The following DCC variants were observed in gnomAD, a reference collection of about 807,000 sequenced individuals.
The protein encoded by DCC is DCC netrin 1 receptor.
In DCC, 58 loss-of-function variants were observed where a neutral mutation model predicts 172.5. That is an observed-to-expected ratio of 0.34 (90% CI 0.27 to 0.42). The LOEUF is 0.42. Among genes scored for constraint, DCC ranks in the 10% least tolerant of loss-of-function variants. DCC has a pLI of 1.00. For synonymous variants in DCC, 709 were observed against 644.5 expected, an observed-to-expected ratio of 1.10 and a Z score of -1.52; for missense variants, 1,740 against 1,791.0, an observed-to-expected ratio of 0.97 and a Z score of 0.51.
At chr18:53,245,584 G>A (rs912208663) in intron 12 of DCC, among the ~76,000 whole-genome samples, 12 of 152,110 alleles carry the variant, frequency 7.9e-5, no homozygotes, top group South Asian at 4.2e-4. Flanking sequence ...CAGATATGTC[G>A]GTTTACAGTT....
At chr18:53,020,065 A>G (rs558635675) in intron 5 of DCC, among the ~76,000 whole-genome samples, 10 of 152,312 alleles carry the variant, frequency 6.6e-5, no homozygotes, top group African/African-American at 2.4e-4. Context: ...TTGAAGGAGC[A>G]TGCTTAGTTT....
chr18:52,443,995 T>C (rs928661911), intron 1 of DCC, among the ~76,000 whole-genome samples: 1 of 152,166 alleles, frequency 6.6e-6, no homozygotes, highest in Non-Finnish European at 1.5e-5. Context: ...AGAATCTGGC[T>C]GCTGATTGGC....
chr18:53,299,455 A>C (rs1355933382), intron 12 of DCC, among the ~76,000 whole-genome samples: 1 of 152,042 alleles, frequency 6.6e-6, no homozygotes, highest in Non-Finnish European at 1.5e-5. Context: ...CTTGTTCTTG[A>C]TATTTCCTGT....
At chr18:53,394,417 C>T (rs1044077978) in intron 17 of DCC, among the ~76,000 whole-genome samples, 10 of 152,136 alleles carry the variant, frequency 6.6e-5, no homozygotes. Flanking sequence ...CATTTACTCC[C>T]AAATCTATAA....
chr18:52,548,461 C>T (rs904076433), intron 1 of DCC, among the ~76,000 whole-genome samples: 3 of 151,934 alleles, frequency 2.0e-5, no homozygotes, highest in Non-Finnish European at 4.4e-5. Context: ...GCTTGGTCAC[C>T]CTAATTAGTC....
intron 14 of DCC, among the ~76,000 whole-genome samples, chr18:53,337,912 C>T (rs189166068): frequency 4.0e-4 from 61 of 152,234 alleles, no homozygotes; most frequent in African/African-American, 1.5e-3. Flanking sequence ...CATATGTTAC[C>T]TTCAGAGATT....
chr18:53,307,901 A>G (rs536655614), intron 13 of DCC, among the ~76,000 whole-genome samples: 10 of 2,170 alleles, frequency 4.6e-3, no homozygotes, highest in East Asian at 0.045. Flanking sequence ...GTGTATGTAT[A>G]TATATATATA....
chr18:53,095,633 C>T (rs930699885), intron 7 of DCC, among the ~76,000 whole-genome samples: 1 of 152,106 alleles, frequency 6.6e-6, no homozygotes, highest in Admixed American at 6.6e-5. Flanking sequence ...CTGATTCAGA[C>T]CCTCCTGAAT....
At chr18:52,812,397 G>A (rs2038218418) in intron 2 of DCC, among the ~76,000 whole-genome samples, 1 of 152,094 alleles carries the variant, frequency 6.6e-6, no homozygotes, top group Non-Finnish European at 1.5e-5. Flanking sequence ...AGGTAGGAGG[G>A]AAGACAAGTA....
chr18:53,366,228 T>C (rs547580417), intron 15 of DCC, among the ~76,000 whole-genome samples: 1 of 152,194 alleles, frequency 6.6e-6, no homozygotes, highest in East Asian at 1.9e-4. Context: ...AGCTAATTTT[T>C]GTGTTTTTAG....
chr18:52,564,203 A>G (rs896216827), intron 1 of DCC, among the ~76,000 whole-genome samples: 3 of 152,132 alleles, frequency 2.0e-5, no homozygotes, highest in African/African-American at 4.8e-5. Flanking sequence ...AAAGTAAAAG[A>G]TGACAATAAA....
intron 1 of DCC, among the ~76,000 whole-genome samples, chr18:52,522,039 G>A (rs2031835423): frequency 6.6e-6 from 1 of 152,056 alleles, no homozygotes; most frequent in Non-Finnish European, 1.5e-5. Flanking sequence ...GAATAGAAAT[G>A]CCCAAATTTT....
chr18:53,487,099 CAG>C, intron 26 of DCC, 141 bp downstream of exon 26: 1 of 1,160,392 alleles, frequency 8.6e-7, no homozygotes, highest in Non-Finnish European at 1.2e-6. Context: ...CTTTCCAACA[CAG>C]TGCTTTGGAT....
At chr18:52,708,031 T>C (rs1210258589) in intron 1 of DCC, among the ~76,000 whole-genome samples, 1 of 152,230 alleles carries the variant, frequency 6.6e-6, no homozygotes, top group Admixed American at 6.5e-5. Context: ...AATCAGTATG[T>C]GAAGTAGTGC....
At chr18:52,477,988 T>C (rs1989142134) in intron 1 of DCC, among the ~76,000 whole-genome samples, 2 of 152,050 alleles carry the variant, frequency 1.3e-5, no homozygotes, top group South Asian at 4.1e-4. Context: ...TTTTTTATGT[T>C]TAGTAGAGAT....
At chr18:52,644,561 A>G (rs2034973883) in intron 1 of DCC, among the ~76,000 whole-genome samples, 1 of 140,436 alleles carries the variant, frequency 7.1e-6, no homozygotes, top group African/African-American at 2.7e-5. Context: ...CCTGGGCGAC[A>G]GAGTCAGACT....
At chr18:53,337,803 A>G (rs544946310) in intron 14 of DCC, among the ~76,000 whole-genome samples, 9 of 152,352 alleles carry the variant, frequency 5.9e-5, no homozygotes, top group African/African-American at 1.9e-4. Context: ...AATGCTGCAT[A>G]TGGATAAAAG....
chr18:52,732,281 G>A (rs893398435), intron 1 of DCC, among the ~76,000 whole-genome samples: 4 of 152,164 alleles, frequency 2.6e-5, no homozygotes, highest in African/African-American at 7.2e-5. Flanking sequence ...TTGGATTGGA[G>A]AGAGAGTACT....
chr18:53,372,650 A>C (rs970133200), intron 15 of DCC, among the ~76,000 whole-genome samples: 5 of 152,134 alleles, frequency 3.3e-5, no homozygotes, highest in African/African-American at 1.2e-4. Flanking sequence ...AAAGTGATAT[A>C]ATTTACATTT....
Sources: allele counts gnomAD v4.1 joint callset (sites outside exome capture counted in the v4.1 genomes callset), GRCh38; gene constraint gnomAD v4.1.1; transcripts MANE v1.5; gene names NCBI Gene and HGNC (gene_info 2026-07-23, HGNC 2026-07-21).